SVOP: variants seen among roughly 807,000 people sequenced by gnomAD.
SVOP encodes synaptic vesicle 2-related protein.
Under a neutral mutation model 69.1 loss-of-function variants are expected in SVOP, and 17 were observed. The ratio of observed to expected loss-of-function variants is 0.25; its 90% CI spans 0.17 to 0.37. The LOEUF (loss-of-function observed/expected upper bound fraction) is 0.37. Among genes scored for constraint, SVOP ranks in the 10% least tolerant of loss-of-function variants. The pLI, the probability that SVOP is intolerant of heterozygous loss-of-function variation, is 1.00. For missense variants in SVOP, 435 were observed against 597.5 expected (o/e 0.73, Z 2.84); for synonymous variants, 238 against 238.6 (o/e 1.00, Z 0.02).
intron 1 of SVOP, among the ~76,000 whole-genome samples, chr12:109,013,620 C>T (rs2040353834): frequency 6.6e-6 from 1 of 152,090 alleles, no homozygotes. Context: ...GAACTTCTGG[C>T]CTCAAGTGAT....
At chr12:108,978,399 C>T (rs1278085776) in intron 3 of SVOP, 179 bp downstream of exon 3, 4 of 546,146 alleles carry the variant, frequency 7.3e-6, no homozygotes, top group African/African-American at 1.9e-5. Flanking sequence ...ACACCCAGCT[C>T]TCCTCAAGCA....
intron 2 of SVOP, among the ~76,000 whole-genome samples, chr12:108,981,779 C>T (rs1269460344): frequency 6.6e-6 from 1 of 152,152 alleles, no homozygotes; most frequent in Non-Finnish European, 1.5e-5. Flanking sequence ...AATCCTCAGT[C>T]AATGTTAGCT....
intron 5 of SVOP, among the ~76,000 whole-genome samples, chr12:108,969,004 G>T (rs2040063014): frequency 6.6e-6 from 1 of 152,034 alleles, no homozygotes; most frequent in African/African-American, 2.4e-5. Context: ...ATGTTGCCTA[G>T]GCTGGTCTCT....
chr12:109,018,744 G>A (rs2040381513), intron 1 of SVOP, among the ~76,000 whole-genome samples: 1 of 152,128 alleles, frequency 6.6e-6, no homozygotes, highest in South Asian at 2.1e-4. Context: ...TGCAGATTAA[G>A]ATTTTGAGGG....
intron 6 of SVOP, among the ~76,000 whole-genome samples, chr12:108,954,964 C>T (rs2039977164): frequency 6.6e-6 from 1 of 152,122 alleles, no homozygotes; most frequent in Non-Finnish European, 1.5e-5. Context: ...CTGCAGTGAG[C>T]CATGATTTTG....
intron 1 of SVOP, among the ~76,000 whole-genome samples, chr12:108,985,728 T>C (rs1337720782): frequency 6.6e-6 from 1 of 152,016 alleles, no homozygotes; most frequent in African/African-American, 2.4e-5. Flanking sequence ...ATAGCAGAGG[T>C]AGTATATGAG....
At chr12:109,012,543 A>G (rs1366462664) in intron 1 of SVOP, among the ~76,000 whole-genome samples, 3 of 152,308 alleles carry the variant, frequency 2.0e-5, no homozygotes, top group Admixed American at 6.5e-5. Flanking sequence ...TCAATTTAAC[A>G]TTTTTTAAAA....
chr12:108,917,036 T>C (rs1055725973), intron 14 of SVOP, among the ~76,000 whole-genome samples: 4 of 152,218 alleles, frequency 2.6e-5, no homozygotes, highest in Non-Finnish European at 5.9e-5. Context: ...CGTGAACCAC[T>C]GTGCCTGGCC....
chr12:108,973,626 T>C (rs1408300947), intron 4 of SVOP, among the ~76,000 whole-genome samples: 2 of 152,152 alleles, frequency 1.3e-5, no homozygotes, highest in African/African-American at 4.8e-5. Context: ...CTCTAACTCC[T>C]TGCTTCAAGG....
chr12:109,014,466 A>G (rs866779887), intron 1 of SVOP, among the ~76,000 whole-genome samples: 3 of 152,174 alleles, frequency 2.0e-5, no homozygotes, highest in African/African-American at 7.2e-5. Flanking sequence ...ATGGGTTTTC[A>G]TGTTTGGCTA....
chr12:108,995,693 G>A (rs766861923), intron 1 of SVOP, among the ~76,000 whole-genome samples: 6 of 152,138 alleles, frequency 3.9e-5, no homozygotes, highest in Admixed American at 3.9e-4. Flanking sequence ...TTGAGGTCAG[G>A]AGTTTGAAAC....
At chr12:108,996,100 G>T (rs2040230818) in intron 1 of SVOP, among the ~76,000 whole-genome samples, 1 of 152,110 alleles carries the variant, frequency 6.6e-6, no homozygotes, top group Non-Finnish European at 1.5e-5. Flanking sequence ...GGGCACAGTG[G>T]CTCATGCCTA....
At position 108,945,186 on chromosome 12, in the gene SVOP, A is replaced by C; in HGVS notation, c.579-20T>G. ...GTCACCCTGGGAATGTAAAAGGGAA[A>C]GAAAGGGAGTTAAGATCAGAACTGG... is the stretch of plus-strand genomic sequence containing the variant. On this transcript the variant is annotated intron_variant, in intron 6 of 15. Coordinates refer to ENST00000610966, the MANE Select transcript of SVOP (RefSeq NM_018711.5). 6.5e-7 allele frequency: 1 copy of C among 1,536,888 alleles called. No homozygotes were observed. The highest frequency in any genetic ancestry group is 1.2e-5 in the South Asian group (1 of 84,052).
intron 11 of SVOP, among the ~76,000 whole-genome samples, chr12:108,924,342 C>T (rs1049848820): frequency 6.6e-6 from 1 of 152,200 alleles, no homozygotes; most frequent in Non-Finnish European, 1.5e-5. Context: ...TCTGAACCAG[C>T]CATTTAACAG....
intron 1 of SVOP, among the ~76,000 whole-genome samples, chr12:108,987,334 G>C (rs750630817): frequency 1.3e-5 from 2 of 152,186 alleles, no homozygotes; most frequent in Non-Finnish European, 2.9e-5. Context: ...ACATTTTGCT[G>C]ATCCATTCAT....
chr12:108,912,564 T>A lies in SVOP; in HGVS notation c.1618A>T (p.Thr540Ser), dbSNP rs2039690898. Residue 540 changes from threonine to serine, a missense_variant, in exon 16 of 16, where the codon ACC becomes TCC. Thr to Ser is a moderately conservative substitution (Grantham distance 58). Transcript: ENST00000610966. ...VGRGMHGAGV[T>S]RSNSGSQE ...TCCTGAGAGCCAGAGTTCGACCTGG[T>A]AACACCTGCACCGTGCATTCCTCGG... is the stretch of plus-strand genomic sequence containing the variant. 6.2e-7 allele frequency: 1 copy of A among 1,613,620 alleles called. No individual in the cohort carries two copies. Among genetic ancestry groups the A allele is most frequent in the Non-Finnish European group, 8.5e-7 (1 of 1,179,752 alleles).
chr12:109,012,670 G>T (rs1593210510), intron 1 of SVOP, among the ~76,000 whole-genome samples: 1 of 152,230 alleles, frequency 6.6e-6, no homozygotes, highest in Non-Finnish European at 1.5e-5. Context: ...GTTCAAGCCT[G>T]TAATCCCAGC....
intron 9 of SVOP, among the ~76,000 whole-genome samples, chr12:108,937,725 T>C (rs1275225818): frequency 2.0e-5 from 3 of 152,224 alleles, no homozygotes; most frequent in Non-Finnish European, 2.9e-5. Context: ...TAGGTCTAGG[T>C]GGCAACAGTT....
chr12:108,935,506 A>C (rs1593182549), intron 10 of SVOP, among the ~76,000 whole-genome samples: 1 of 152,308 alleles, frequency 6.6e-6, no homozygotes, highest in Middle Eastern at 3.4e-3. Context: ...CATCCTTTTA[A>C]AAAATTCTGC....
Sources: gnomAD v4.1 joint callset for allele counts (sites outside exome capture counted in the v4.1 genomes callset) on GRCh38, gnomAD v4.1.1 for gene constraint, MANE v1.5 for transcripts, NCBI Gene and HGNC (gene_info 2026-07-23, HGNC 2026-07-21) for gene names.